IL1RAPL2: variants seen among roughly 807,000 people sequenced by gnomAD.
IL1RAPL2 encodes the protein interleukin 1 receptor accessory protein like 2.
A neutral mutation model predicts 44.1 loss-of-function variants in IL1RAPL2; 3 were observed. The observed-to-expected ratio is 0.07, with a 90% CI of 0.03 to 0.18. The LOEUF (loss-of-function observed/expected upper bound fraction) is 0.18. IL1RAPL2 is among the 10% of genes least tolerant of loss of function. The probability of loss-of-function intolerance (pLI) is 1.00; values close to 1 mark genes in which losing one functional copy is unlikely to be tolerated. For synonymous variants in IL1RAPL2, 181 were observed against 178.8 expected, an observed-to-expected ratio of 1.01 and a Z score of -0.10; for missense variants, 391 against 496.4, an observed-to-expected ratio of 0.79 and a Z score of 2.02.
chrX:105,654,238 T>C (rs182125244), intron 6 of IL1RAPL2, among the ~76,000 whole-genome samples: 11 of 109,592 alleles, frequency 1.0e-4, no homozygotes, highest in African/African-American at 3.8e-4. Flanking sequence ...CCTGTCAATA[T>C]TTCTGGAGGC....
chrX:104,707,251 C>G (rs1161309545), intron 2 of IL1RAPL2, among the ~76,000 whole-genome samples: 3 of 111,381 alleles, frequency 2.7e-5, no homozygotes, highest in Admixed American at 1.9e-4. Context: ...GTCAGCAAAT[C>G]GAGGTTTTTA....
chrX:104,630,826 T>G (rs1929627796), intron 1 of IL1RAPL2, among the ~76,000 whole-genome samples: 1 of 101,425 alleles, frequency 9.9e-6, no homozygotes. Context: ...TTCATTAGTG[T>G]TTTTTTTTTC....
At chrX:104,795,499 CT>C (rs1335627674) in intron 2 of IL1RAPL2, among the ~76,000 whole-genome samples, 2 of 107,546 alleles carry the variant, frequency 1.9e-5, no homozygotes, top group Non-Finnish European at 3.8e-5. Flanking sequence ...TTTTATGTGT[CT>C]TTTTTTCCTT....
chrX:105,039,610 G>T (rs1401594891), intron 2 of IL1RAPL2, among the ~76,000 whole-genome samples: 1 of 111,649 alleles, frequency 9.0e-6, no homozygotes, highest in Non-Finnish European at 1.9e-5. Flanking sequence ...TCCCTTGTAA[G>T]GTGGATTCCT....
At chrX:104,615,238 G>A (rs1929245275) in intron 1 of IL1RAPL2, among the ~76,000 whole-genome samples, 1 of 111,397 alleles carries the variant, frequency 9.0e-6, no homozygotes, top group South Asian at 3.8e-4. Context: ...TTAATTTTAA[G>A]TTCTGAGGTA....
intron 6 of IL1RAPL2, among the ~76,000 whole-genome samples, chrX:105,679,815 A>AATT (rs1244159739): frequency 3.6e-5 from 4 of 111,727 alleles, no homozygotes; most frequent in African/African-American, 1.3e-4. Flanking sequence ...GACTGGACCT[A>AATT]ATTATTTATG....
intron 2 of IL1RAPL2, among the ~76,000 whole-genome samples, chrX:104,737,301 A>T (rs940160127): frequency 2.7e-5 from 3 of 112,617 alleles, no homozygotes; most frequent in Middle Eastern, 4.6e-3. Context: ...GGTGTGCCAC[A>T]ATATATTGTA....
chrX:105,086,733 T>TAA (rs1193395985), intron 2 of IL1RAPL2, among the ~76,000 whole-genome samples: 5 of 109,190 alleles, frequency 4.6e-5, no homozygotes, highest in Non-Finnish European at 9.5e-5. Context: ...TGTGTGTATA[T>TAA]AATCAGATTG....
chrX:105,340,529 CCT>C (rs1238214490), intron 5 of IL1RAPL2, among the ~76,000 whole-genome samples: 4 of 111,727 alleles, frequency 3.6e-5, no homozygotes, highest in African/African-American at 1.3e-4. Flanking sequence ...GTCTCCTGTT[CCT>C]CTCTCCTTCA....
chrX:105,344,087 GT>G (rs978277627), intron 5 of IL1RAPL2, among the ~76,000 whole-genome samples: 1 of 111,110 alleles, frequency 9.0e-6, no homozygotes, highest in African/African-American at 3.3e-5. Context: ...TAGAGACGGG[GT>G]TTTGCCATGT....
chrX:104,567,963 A>G (rs1011137161), intron 1 of IL1RAPL2, among the ~76,000 whole-genome samples: 2 of 112,483 alleles, frequency 1.8e-5, no homozygotes, highest in African/African-American at 3.2e-5. Flanking sequence ...TGTGCCGCCC[A>G]AGGACTTAGA....
At chrX:105,036,796 C>T (rs2031637457) in intron 2 of IL1RAPL2, among the ~76,000 whole-genome samples, 2 of 111,688 alleles carry the variant, frequency 1.8e-5, no homozygotes, top group Admixed American at 1.9e-4. Flanking sequence ...CAAAAATTAG[C>T]CATGACAGTG....
At chrX:105,304,135 G>T (rs1275882991) in intron 5 of IL1RAPL2, among the ~76,000 whole-genome samples, 2 of 112,655 alleles carry the variant, frequency 1.8e-5, no homozygotes, top group Non-Finnish European at 3.8e-5. Flanking sequence ...CCTTTGTGGG[G>T]TTGCCACTAA....
intron 2 of IL1RAPL2, among the ~76,000 whole-genome samples, chrX:104,852,818 G>A (rs1939789008): frequency 8.9e-6 from 1 of 111,780 alleles, no homozygotes; most frequent in Non-Finnish European, 1.9e-5. Flanking sequence ...GCCATTTATT[G>A]ATGAATTGCT....
At chrX:104,671,142 A>T (rs1217427097) in intron 2 of IL1RAPL2, among the ~76,000 whole-genome samples, 1 of 110,863 alleles carries the variant, frequency 9.0e-6, no homozygotes, top group East Asian at 2.9e-4. Flanking sequence ...GTGTGCTATT[A>T]TATATGTATG....
At chrX:105,045,153 A>G (rs1390066406) in intron 2 of IL1RAPL2, among the ~76,000 whole-genome samples, 1 of 111,282 alleles carries the variant, frequency 9.0e-6, no homozygotes, top group Non-Finnish European at 1.9e-5. Flanking sequence ...CCAATTAATG[A>G]GCTCCAGAAA....
At chrX:104,842,639 C>A (rs1472316391) in intron 2 of IL1RAPL2, among the ~76,000 whole-genome samples, 1 of 112,302 alleles carries the variant, frequency 8.9e-6, no homozygotes, top group Admixed American at 9.4e-5. Flanking sequence ...TTTCTTCTAA[C>A]AGTCAGGCCC....
At chrX:105,217,279 A>C (rs2033870478) in intron 3 of IL1RAPL2, among the ~76,000 whole-genome samples, 1 of 111,635 alleles carries the variant, frequency 9.0e-6, no homozygotes, top group Non-Finnish European at 1.9e-5. Flanking sequence ...CAACCCCATC[A>C]AAAAGTGGGT....
chrX:105,460,792 C>T (rs937951612), intron 5 of IL1RAPL2, among the ~76,000 whole-genome samples: 4 of 111,591 alleles, frequency 3.6e-5, no homozygotes, highest in Non-Finnish European at 7.5e-5. Flanking sequence ...TTTCAGATCA[C>T]GAAGTTTTAC....
Sources: allele counts gnomAD v4.1 joint callset (sites outside exome capture counted in the v4.1 genomes callset), GRCh38; gene constraint gnomAD v4.1.1; transcripts MANE v1.5; gene names NCBI Gene and HGNC (gene_info 2026-07-23, HGNC 2026-07-21).